Variants in BIRC6 observed in about 807,000 individuals in gnomAD.
BIRC6 encodes the protein dual E2 ubiquitin-conjugating enzyme/E3 ubiquitin-protein ligase BIRC6.
BIRC6 carries 98 observed loss-of-function variants against 503.3 expected under a neutral mutation model. The ratio of observed to expected loss-of-function variants is 0.19; its 90% CI spans 0.17 to 0.23. The LOEUF is 0.23. BIRC6 is among the 10% of genes least tolerant of loss of function. The pLI is 1.00. For missense variants in BIRC6, 5,360 were observed against 5,806.0 expected, an observed-to-expected ratio of 0.92 and a Z score of 2.50; for synonymous variants, 2,240 against 2,078.7, an observed-to-expected ratio of 1.08 and a Z score of -2.11.
At position 32,415,378 on chromosome 2, in the gene BIRC6, C is replaced by T; in HGVS notation, c.2087C>T (p.Ala696Val). ...ATTCAGCAATTTGCAGATGCAGCAGCCAACCTTACCTCTCCGGATTCTGAG... is the reference window on the plus strand; with the variant it reads ...ATTCAGCAATTTGCAGATGCAGCAGTCAACCTTACCTCTCCGGATTCTGAG... ...TYIQQFADAAANLTSPDSEKW... is the reference protein window; with the variant it reads ...TYIQQFADAAVNLTSPDSEKW... Residue 696 changes from alanine to valine, a missense_variant, in exon 10 of 74, where the codon GCC becomes GTC. Transcript: ENST00000421745. 1 of 1,613,988 alleles carries T rather than the reference C, an allele frequency of 6.2e-7. No homozygotes were observed.
At position 32,433,788 on chromosome 2, in the gene BIRC6, A is replaced by G. The variant is rs2044387512; in HGVS notation, c.3393A>G (p.Gly1131=). 10 of 1,564,860 alleles carry G rather than the reference A, an allele frequency of 6.4e-6. No homozygotes were observed. The highest frequency in any genetic ancestry group is 8.7e-6 in the Non-Finnish European group (10 of 1,144,020). ...QVTLLKNKAP[G]LGKVNALNIE... ...CACTGCTGAAAAATAAAGCTCCAGG[A>G]TTAGGGAAAGTCAATGGTAAGAATG... is the stretch of plus-strand genomic sequence containing the variant. The change falls in exon 13 of 74, where the codon GGA becomes GGG. Residue 1131 remains glycine, a synonymous_variant. Coordinates refer to ENST00000421745, the MANE Select transcript of BIRC6 (RefSeq NM_016252.4).
At chr2:32,577,093 A>G (rs574769643) in intron 66 of BIRC6, among the ~76,000 whole-genome samples, 3 of 152,288 alleles carry the variant, frequency 2.0e-5, no homozygotes, top group South Asian at 4.1e-4. Context: ...GTGTGGTATC[A>G]TAATTGAACT....
chr2:32,392,561 T>A (rs530691868), intron 5 of BIRC6, among the ~76,000 whole-genome samples: 96 of 152,310 alleles, frequency 6.3e-4, no homozygotes, highest in Middle Eastern at 3.4e-3. Flanking sequence ...AAAAATTGTT[T>A]AAGCAATTAA....
intron 31 of BIRC6, among the ~76,000 whole-genome samples, chr2:32,470,732 C>G (rs1169295739): frequency 6.6e-6 from 1 of 152,110 alleles, no homozygotes; most frequent in African/African-American, 2.4e-5. Flanking sequence ...AGAATAGTAT[C>G]TTATACCTTG....
At position 32,463,818 on chromosome 2, in the gene BIRC6, A is replaced by C. The variant is rs974351392; in HGVS notation, c.4941+437A>C. On this transcript the variant is annotated intron_variant, in intron 24 of 73. Coordinates refer to ENST00000421745, the MANE Select transcript of BIRC6 (RefSeq NM_016252.4). The stretch of plus-strand genomic sequence containing the variant: ...GTCTCCAGTCCCTGGGCCATGGACC[A>C]GTACCAATAAATAGCCTTTCAGGAA... Among the ~76,000 whole-genome samples, 6 of 152,368 alleles carry C rather than the reference A, an allele frequency of 3.9e-5. No homozygotes were observed. In the South Asian group the frequency reaches 1.2e-3, roughly 32 times the overall value.
At chr2:32,361,775 A>G (rs932705974) in intron 1 of BIRC6, among the ~76,000 whole-genome samples, 18 of 151,706 alleles carry the variant, frequency 1.2e-4, no homozygotes, top group Non-Finnish European at 4.4e-5. Flanking sequence ...TCAGAATGTC[A>G]TAGTTGTATT....
At chr2:32,385,688 A>G (rs181652276) in intron 3 of BIRC6, among the ~76,000 whole-genome samples, 2 of 152,330 alleles carry the variant, frequency 1.3e-5, no homozygotes, top group East Asian at 3.9e-4. Context: ...CTCTTAAGGT[A>G]AAAGTGGCAG....
intron 69 of BIRC6, among the ~76,000 whole-genome samples, chr2:32,598,738 T>G (rs1324428022): frequency 1.3e-5 from 2 of 152,114 alleles, no homozygotes; most frequent in Non-Finnish European, 2.9e-5. Context: ...GCTTGCTTCT[T>G]TTGATTTTTT....
chr2:32,455,783 A>G (rs1159896950), intron 23 of BIRC6, among the ~76,000 whole-genome samples: 11 of 152,182 alleles, frequency 7.2e-5, no homozygotes, highest in Non-Finnish European at 1.5e-4. Context: ...AAAGCAAGCA[A>G]TGGAACGAGT....
chr2:32,409,137 A>G (rs1297988769), intron 9 of BIRC6, among the ~76,000 whole-genome samples: 2 of 152,074 alleles, frequency 1.3e-5, no homozygotes, highest in African/African-American at 4.8e-5. Context: ...ATTATGAAAT[A>G]TATTTATTTT....
At chr2:32,576,634 A>G (rs1205091728) in intron 66 of BIRC6, among the ~76,000 whole-genome samples, 1 of 111,374 alleles carries the variant, frequency 9.0e-6, no homozygotes, top group African/African-American at 3.4e-5. Flanking sequence ...AGATCAAAAG[A>G]TCATAGAGAA....
chr2:32,446,571 C>G (rs1438301473), intron 21 of BIRC6, among the ~76,000 whole-genome samples: 5 of 151,988 alleles, frequency 3.3e-5, no homozygotes. Flanking sequence ...CCTGATACCC[C>G]TCGCTTCAAT....
chr2:32,401,885 T>C (rs950360740), intron 8 of BIRC6, among the ~76,000 whole-genome samples: 16 of 152,210 alleles, frequency 1.1e-4, no homozygotes, highest in African/African-American at 3.6e-4. Context: ...GAACAATAGA[T>C]GATGAAAAGT....
intron 65 of BIRC6, among the ~76,000 whole-genome samples, chr2:32,569,614 T>C (rs1335485605): frequency 1.3e-5 from 2 of 151,796 alleles, no homozygotes; most frequent in Non-Finnish European, 2.9e-5. Context: ...CCGAGCTGTC[T>C]TCCAGCCTGG....
intron 49 of BIRC6, 33 bp from the exon 50 acceptor site, chr2:32,504,972 G>A: frequency 1.3e-6 from 2 of 1,547,530 alleles, no homozygotes; most frequent in Non-Finnish European, 1.8e-6. Flanking sequence ...TCTTTTGCAA[G>A]TTCTTATAAT....
rs574914644 is a variant in BIRC6, at chr2:32,569,625, A to T, written c.13145-5531A>T. 8.4e-5 allele frequency among the ~76,000 whole-genome samples: 12 copies of T among 142,428 alleles called. No homozygotes were observed. In the South Asian group the frequency reaches 2.7e-3, roughly 32 times the overall value. 93.4% of individuals were successfully genotyped at this position (142,428 alleles called of 152,430 possible). ...GGACCCGAGCTGTCTTCCAGCCTGG[A>T]CCTCCCAAAGTGCTGTGATTTCAGG... is the stretch of plus-strand genomic sequence containing the variant. On this transcript the variant is annotated intron_variant, in intron 65 of 73. Coordinates refer to ENST00000421745, the MANE Select transcript of BIRC6 (RefSeq NM_016252.4).
intron 44 of BIRC6, among the ~76,000 whole-genome samples, chr2:32,493,036 G>A (rs1352921651): frequency 7.6e-6 from 1 of 131,294 alleles, no homozygotes; most frequent in Non-Finnish European, 1.7e-5. Flanking sequence ...TTTTTTTTTT[G>A]ACTTGGTATA....
intron 9 of BIRC6, among the ~76,000 whole-genome samples, chr2:32,410,885 A>G (rs1017199053): frequency 6.6e-6 from 1 of 151,994 alleles, no homozygotes; most frequent in Non-Finnish European, 1.5e-5. Flanking sequence ...TATTTTTAGT[A>G]GAGACGGGGT....
intron 21 of BIRC6, among the ~76,000 whole-genome samples, chr2:32,446,746 T>G (rs995627056): frequency 6.2e-5 from 8 of 129,118 alleles, no homozygotes; most frequent in South Asian, 2.8e-4. Context: ...CTGTTTTTTT[T>G]TTTTTTTTTT....
Sources: allele counts gnomAD v4.1 joint callset (sites outside exome capture counted in the v4.1 genomes callset), GRCh38; gene constraint gnomAD v4.1.1; transcripts MANE v1.5; gene names NCBI Gene and HGNC (gene_info 2026-07-23, HGNC 2026-07-21).